KSR2: variants seen among roughly 807,000 people sequenced by gnomAD.
KSR2 encodes kinase suppressor of ras 2.
Under a neutral mutation model 107.8 loss-of-function variants are expected in KSR2, and 25 were observed. The ratio of observed to expected loss-of-function variants is 0.23; its 90% CI spans 0.17 to 0.32. The LOEUF is 0.32. KSR2 is among the 10% of genes least tolerant of loss of function. The pLI is 1.00. For missense variants in KSR2, 887 were observed against 1,268.9 expected, an observed-to-expected ratio of 0.70 and a Z score of 4.57; for synonymous variants, 480 against 507.0, an observed-to-expected ratio of 0.95 and a Z score of 0.71.
intron 3 of KSR2, among the ~76,000 whole-genome samples, chr12:117,793,341 AC>A (rs1890360863): frequency 2.2e-5 from 3 of 136,708 alleles, no homozygotes; most frequent in Admixed American, 7.3e-5. Flanking sequence ...ACACATACAC[AC>A]CAGCATGCAC....
rs770628810 is a variant in KSR2, at chr12:117,695,542, CAAAA to C, written c.987-27888_987-27885del. Among the ~76,000 whole-genome samples, 48 of 131,268 alleles carry C rather than the reference CAAAA, an allele frequency of 3.7e-4. 1 individual carries two copies. The highest frequency in any genetic ancestry group is 5.1e-4 in the South Asian group (2 of 3,894). The allele number at this position is 131,268 out of a possible 152,430, so 86.1% of individuals were successfully genotyped here. On this transcript the variant is annotated intron_variant, in intron 4 of 19. Transcript: ENST00000339824. ...GAAACATGATGAAATCCCATTTCTA[CAAAA>C]AAAAAAAAAAAAAAATTAGCTGGAT...
intron 1 of KSR2, among the ~76,000 whole-genome samples, chr12:117,898,335 CTTT>C (rs763844468): frequency 2.1e-5 from 3 of 144,072 alleles, no homozygotes; most frequent in Non-Finnish European, 3.1e-5. Flanking sequence ...TTTTTTTTAA[CTTT>C]TTTTTTTTTT....
chr12:117,530,246 C>T (rs1189260696), intron 12 of KSR2, among the ~76,000 whole-genome samples: 2 of 152,040 alleles, frequency 1.3e-5, no homozygotes, highest in Non-Finnish European at 2.9e-5. Flanking sequence ...TAAAGAATAG[C>T]CCACATTTTC....
chr12:117,806,711 T>C (rs1365960815), intron 3 of KSR2, among the ~76,000 whole-genome samples: 1 of 152,170 alleles, frequency 6.6e-6, no homozygotes, highest in African/African-American at 2.4e-5. Flanking sequence ...CTGCTCTGGC[T>C]CTATGGGTTT....
At chr12:117,942,584 G>T (rs1461941584) in intron 1 of KSR2, among the ~76,000 whole-genome samples, 2 of 150,262 alleles carry the variant, frequency 1.3e-5, no homozygotes, top group Non-Finnish European at 3.0e-5. Flanking sequence ...AACCTCCCAG[G>T]CTCAAGCAAT....
intron 14 of KSR2, among the ~76,000 whole-genome samples, chr12:117,495,709 CTG>C (rs1381362715): frequency 1.3e-5 from 2 of 152,198 alleles, no homozygotes; most frequent in Non-Finnish European, 2.9e-5. Context: ...CGTAGACTCT[CTG>C]TCTTGCTGAG....
At chr12:117,916,950 G>C (rs1439528186) in intron 1 of KSR2, among the ~76,000 whole-genome samples, 2 of 152,196 alleles carry the variant, frequency 1.3e-5, no homozygotes, top group Non-Finnish European at 2.9e-5. Flanking sequence ...GACATTTACA[G>C]CTGGGTTTGT....
At chr12:117,502,431 C>T (rs1055199400) in intron 14 of KSR2, among the ~76,000 whole-genome samples, 1 of 152,098 alleles carries the variant, frequency 6.6e-6, no homozygotes, top group African/African-American at 2.4e-5. Context: ...CTTTGAAATG[C>T]TCCAATAAGA....
intron 1 of KSR2, among the ~76,000 whole-genome samples, chr12:117,958,654 C>T (rs1396530944): frequency 1.3e-5 from 2 of 152,152 alleles, no homozygotes; most frequent in Non-Finnish European, 2.9e-5. Flanking sequence ...AACTCCATCT[C>T]TACTAAAAAT....
At chr12:117,843,932 T>TC (rs1276348606) in intron 3 of KSR2, among the ~76,000 whole-genome samples, 6 of 150,152 alleles carry the variant, frequency 4.0e-5, no homozygotes, top group Non-Finnish European at 7.4e-5. Flanking sequence ...AGCTTCCCTT[T>TC]TTTTTTTTTT....
At chr12:117,646,404 C>T (rs542654275) in intron 5 of KSR2, among the ~76,000 whole-genome samples, 1 of 152,282 alleles carries the variant, frequency 6.6e-6, no homozygotes. Flanking sequence ...GGAACACTTA[C>T]ATCAATTAGT....
At position 117,572,526 on chromosome 12, in the gene KSR2, G is replaced by A. The variant is rs540534213; in HGVS notation, c.1325+6593C>T. Reference sequence around the variant, plus strand: ...TTTTTCTTTTTCACCCTCATACCCCGAGTGGCAGCAAAGAATCCCCACATG... The same window carrying A: ...TTTTTCTTTTTCACCCTCATACCCCAAGTGGCAGCAAAGAATCCCCACATG... On this transcript the variant is annotated intron_variant, in intron 7 of 19. Coordinates refer to ENST00000339824, the MANE Select transcript of KSR2 (RefSeq NM_173598.6). Among the ~76,000 whole-genome samples the A allele has an allele frequency of 9.9e-5, 15 of 151,920 alleles. No individual in the cohort carries two copies. The South Asian group carries it at 3.1e-3, about 32-fold the overall frequency.
At chr12:117,625,502 C>T (rs1882440557) in intron 5 of KSR2, among the ~76,000 whole-genome samples, 1 of 152,070 alleles carries the variant, frequency 6.6e-6, no homozygotes, top group Non-Finnish European at 1.5e-5. Context: ...TGATGGATTG[C>T]ATTTATTGAT....
intron 16 of KSR2, among the ~76,000 whole-genome samples, chr12:117,480,583 C>T (rs1041667002): frequency 6.6e-6 from 1 of 152,178 alleles, no homozygotes; most frequent in Non-Finnish European, 1.5e-5. Flanking sequence ...TGCCCCATCC[C>T]TGCCTCGGGC....
At chr12:117,956,396 G>A (rs974927534) in intron 1 of KSR2, among the ~76,000 whole-genome samples, 4 of 136,698 alleles carry the variant, frequency 2.9e-5, no homozygotes, top group Non-Finnish European at 4.8e-5. Flanking sequence ...AGCAAGACCC[G>A]CACCTCTACA....
chr12:117,582,622 G>C (rs1424658716), intron 5 of KSR2, among the ~76,000 whole-genome samples: 1 of 152,236 alleles, frequency 6.6e-6, no homozygotes, highest in Non-Finnish European at 1.5e-5. Context: ...CATTTACGGA[G>C]TGCTTGGTGT....
At chr12:117,670,587 T>G (rs554031663) in intron 4 of KSR2, among the ~76,000 whole-genome samples, 45 of 152,326 alleles carry the variant, frequency 3.0e-4, no homozygotes, top group Non-Finnish European at 4.7e-4. Context: ...TCAGAGGCAC[T>G]GGGGTGGCCA....
chr12:117,812,383 C>T (rs1254516836), intron 3 of KSR2, among the ~76,000 whole-genome samples: 1 of 152,038 alleles, frequency 6.6e-6, no homozygotes, highest in African/African-American at 2.4e-5. Context: ...TTCTTTTTTA[C>T]TTTTTTAATG....
At chr12:117,698,226 A>G (rs1013118077) in intron 4 of KSR2, among the ~76,000 whole-genome samples, 1 of 152,186 alleles carries the variant, frequency 6.6e-6, no homozygotes, top group African/African-American at 2.4e-5. Flanking sequence ...ACTTTGTTAC[A>G]GCAACTCTAG....
Sources: allele counts gnomAD v4.1 joint callset (sites outside exome capture counted in the v4.1 genomes callset), GRCh38; gene constraint gnomAD v4.1.1; transcripts MANE v1.5; gene names NCBI Gene and HGNC (gene_info 2026-07-23, HGNC 2026-07-21).